Variants in MCC observed in about 807,000 individuals in gnomAD.
MCC encodes MCC regulator of Wnt signaling pathway, also known as colorectal mutant cancer protein.
In MCC, 90 loss-of-function variants were observed where a neutral mutation model predicts 116.2. That is an observed-to-expected ratio of 0.77 (90% confidence interval 0.65 to 0.92). The LOEUF (loss-of-function observed/expected upper bound fraction) is 0.92. MCC is among the 40% of genes least tolerant of loss of function. The pLI, the probability that MCC is intolerant of heterozygous loss-of-function variation, is 0.00. For missense variants in MCC, 1,516 were observed against 1,312.2 expected, an observed-to-expected ratio of 1.16 and a Z score of -2.40; for synonymous variants, 578 against 510.5, an observed-to-expected ratio of 1.13 and a Z score of -1.78.
At chr5:113,419,761 T>G (rs2150406573) in intron 1 of MCC, among the ~76,000 whole-genome samples, 1 of 149,728 alleles carries the variant, frequency 6.7e-6, no homozygotes, top group Admixed American at 6.8e-5. Flanking sequence ...CTCAGCAAAC[T>G]ATCTCAGGGA....
At chr5:113,321,983 C>A (rs1282385675) in intron 3 of MCC, among the ~76,000 whole-genome samples, 1 of 152,182 alleles carries the variant, frequency 6.6e-6, no homozygotes, top group African/African-American at 2.4e-5. Flanking sequence ...AGGTGCACAC[C>A]ACCATGCCTG....
chr5:113,116,718 C>A (rs1024654862), intron 6 of MCC, among the ~76,000 whole-genome samples: 4 of 152,202 alleles, frequency 2.6e-5, no homozygotes, highest in African/African-American at 7.2e-5. Flanking sequence ...CTGCTCTCAA[C>A]CCTGGTTACT....
intron 2 of MCC, among the ~76,000 whole-genome samples, chr5:113,362,521 C>CT (rs1768575338): frequency 6.6e-6 from 1 of 152,022 alleles, no homozygotes; most frequent in Admixed American, 6.6e-5. Flanking sequence ...TTCTTTCTTT[C>CT]TTTTTTTCTT....
At chr5:113,449,538 C>A (rs912660261) in intron 1 of MCC, among the ~76,000 whole-genome samples, 29 of 152,200 alleles carry the variant, frequency 1.9e-4, no homozygotes, top group African/African-American at 7.0e-4. Flanking sequence ...CAGGTACCCA[C>A]CTTCCTGTGA....
intron 3 of MCC, among the ~76,000 whole-genome samples, chr5:113,333,846 T>TATATGTATATATGTACATATATGTAC (rs1767793760): frequency 1.6e-5 from 1 of 62,638 alleles, no homozygotes; most frequent in African/African-American, 6.9e-5. Context: ...TATATATGTA[T>TATATGTATATATGTACATATATGTAC]ATATGTACAT....
chr5:113,170,045 T>C (rs1203897607), intron 3 of MCC, among the ~76,000 whole-genome samples: 2 of 152,210 alleles, frequency 1.3e-5, no homozygotes, highest in Non-Finnish European at 2.9e-5. Context: ...ATTAGATGGA[T>C]ATACCCCACA....
chr5:113,195,074 T>A (rs1386640898), intron 3 of MCC, among the ~76,000 whole-genome samples: 1 of 152,150 alleles, frequency 6.6e-6, no homozygotes, highest in Admixed American at 6.5e-5. Context: ...GCTTTCCCAG[T>A]GCACAGTGTG....
intron 3 of MCC, among the ~76,000 whole-genome samples, chr5:113,321,863 G>A (rs6880562): frequency 0.18 from 27,325 of 151,958 alleles, 2,612 homozygotes; most frequent in Non-Finnish European, 0.22. Context: ...ATGAAGTCTC[G>A]CTGTGTTGCC....
At chr5:113,193,763 C>A in intron 3 of MCC, among the ~76,000 whole-genome samples, 1 of 152,180 alleles carries the variant, frequency 6.6e-6, no homozygotes, top group South Asian at 2.1e-4. Context: ...ACTGCACTTC[C>A]ATTTGTTTAT....
At chr5:113,346,307 T>A (rs919362097) in intron 2 of MCC, among the ~76,000 whole-genome samples, 2 of 152,044 alleles carry the variant, frequency 1.3e-5, no homozygotes, top group Non-Finnish European at 2.9e-5. Context: ...AGAAAGTTTA[T>A]TGAAAGGAGG....
intron 12 of MCC, among the ~76,000 whole-genome samples, chr5:113,069,524 G>A (rs1753877449): frequency 6.6e-6 from 1 of 152,238 alleles, no homozygotes; most frequent in Non-Finnish European, 1.5e-5. Context: ...AGCTGAACAG[G>A]GGATATGTTG....
At chr5:113,439,642 A>G (rs1467726099) in intron 1 of MCC, among the ~76,000 whole-genome samples, 1 of 152,142 alleles carries the variant, frequency 6.6e-6, no homozygotes, top group East Asian at 1.9e-4. Flanking sequence ...TGAGGAGGCA[A>G]AATCCTAGCC....
At chr5:113,281,745 C>T (rs549669291) in intron 3 of MCC, among the ~76,000 whole-genome samples, 4 of 152,118 alleles carry the variant, frequency 2.6e-5, no homozygotes, top group Admixed American at 2.0e-4. Context: ...AAGAAAAAAA[C>T]AACAGCAGGC....
At chr5:113,154,209 T>A (rs1026033411) in intron 3 of MCC, among the ~76,000 whole-genome samples, 3 of 152,260 alleles carry the variant, frequency 2.0e-5, no homozygotes, top group Non-Finnish European at 4.4e-5. Context: ...TTTCTGCATA[T>A]GCAGGCTATA....
intron 3 of MCC, among the ~76,000 whole-genome samples, chr5:113,255,704 G>A (rs1370743931): frequency 6.6e-6 from 1 of 152,164 alleles, no homozygotes; most frequent in Non-Finnish European, 1.5e-5. Flanking sequence ...TTCCCACAGA[G>A]CTTTCACTTA....
At chr5:113,476,685 A>G (rs892326970) in intron 1 of MCC, among the ~76,000 whole-genome samples, 2 of 152,220 alleles carry the variant, frequency 1.3e-5, no homozygotes, top group Non-Finnish European at 2.9e-5. Flanking sequence ...CAGAATGTAC[A>G]ATATCCATAG....
intron 3 of MCC, among the ~76,000 whole-genome samples, chr5:113,329,816 T>C (rs1767656189): frequency 6.6e-6 from 1 of 152,178 alleles, no homozygotes; most frequent in Non-Finnish European, 1.5e-5. Flanking sequence ...CTTTAGTGTA[T>C]ATAGATCAGC....
intron 1 of MCC, among the ~76,000 whole-genome samples, chr5:113,444,586 C>A (rs570066376): frequency 6.6e-6 from 1 of 152,322 alleles, no homozygotes; most frequent in African/African-American, 2.4e-5. Context: ...AAGGGTAGAT[C>A]GCCACCTACG....
intron 3 of MCC, among the ~76,000 whole-genome samples, chr5:113,304,043 C>T (rs1359520705): frequency 6.6e-6 from 1 of 152,178 alleles, no homozygotes; most frequent in Non-Finnish European, 1.5e-5. Flanking sequence ...TCTACTTGTA[C>T]TTCTGAGCTT....
Sources: gnomAD v4.1 joint callset for allele counts (sites outside exome capture counted in the v4.1 genomes callset) on GRCh38, gnomAD v4.1.1 for gene constraint, MANE v1.5 for transcripts, NCBI Gene and HGNC (gene_info 2026-07-23, HGNC 2026-07-21) for gene names.